NREP: variants seen among roughly 807,000 people sequenced by gnomAD.
NREP encodes neuronal regeneration-related protein.
In NREP, 5 loss-of-function variants were observed where a neutral mutation model predicts 8.6. The ratio of observed to expected loss-of-function variants is 0.58; its 90% confidence interval spans 0.30 to 1.22. The LOEUF (loss-of-function observed/expected upper bound fraction) is 1.22. Among genes scored for constraint, NREP ranks in the 50% most tolerant of loss-of-function variants. The probability of loss-of-function intolerance (pLI) is 0.07; values close to 1 mark genes in which losing one functional copy is unlikely to be tolerated. For missense variants in NREP, 86 were observed against 82.5 expected (o/e 1.04, Z -0.17); for synonymous variants, 27 against 28.0 (o/e 0.96, Z 0.11).
At chr5:111,901,477 C>A (rs1218722957) in intron 2 of NREP, among the ~76,000 whole-genome samples, 3 of 152,042 alleles carry the variant, frequency 2.0e-5, no homozygotes, top group Non-Finnish European at 4.4e-5. Flanking sequence ...GTCCTAGACA[C>A]AGCCAGGCAA....
intron 2 of NREP, among the ~76,000 whole-genome samples, chr5:111,844,678 T>TTA (rs34839211): frequency 2.0e-5 from 3 of 146,956 alleles, no homozygotes; most frequent in Admixed American, 6.8e-5. Flanking sequence ...TATATATATA[T>TTA]TATATATATA....
intron 2 of NREP, among the ~76,000 whole-genome samples, chr5:111,902,146 T>C (rs1754661779): frequency 6.6e-6 from 1 of 152,026 alleles, no homozygotes; most frequent in Non-Finnish European, 1.5e-5. Context: ...TTAATCTATA[T>C]ATTTTCAGCC....
chr5:111,767,296 CA>C (rs147980497), intron 2 of NREP, among the ~76,000 whole-genome samples: 15 of 149,906 alleles, frequency 1.0e-4, no homozygotes, highest in African/African-American at 3.4e-4. Context: ...TCCTCCCCGC[CA>C]AAAAAAAAAT....
At chr5:111,788,046 T>C (rs1236721147) in intron 2 of NREP, among the ~76,000 whole-genome samples, 1 of 152,022 alleles carries the variant, frequency 6.6e-6, no homozygotes, top group East Asian at 1.9e-4. Context: ...TAAACCATGA[T>C]TGCCACTACC....
chr5:111,764,947 T>G (rs1470853608), intron 2 of NREP, among the ~76,000 whole-genome samples: 1 of 152,212 alleles, frequency 6.6e-6, no homozygotes, highest in Non-Finnish European at 1.5e-5. Flanking sequence ...TATGAGAACC[T>G]GATTTTATTA....
chr5:111,797,526 T>C (rs1457155963), intron 2 of NREP, among the ~76,000 whole-genome samples: 1 of 152,218 alleles, frequency 6.6e-6, no homozygotes, highest in Non-Finnish European at 1.5e-5. Flanking sequence ...CTTAAATATA[T>C]ACTTTCTTTT....
At chr5:111,936,923 T>C (rs1281159222) in intron 2 of NREP, among the ~76,000 whole-genome samples, 1 of 152,046 alleles carries the variant, frequency 6.6e-6, no homozygotes, top group Non-Finnish European at 1.5e-5. Flanking sequence ...TTCTCACTCA[T>C]GGAAGTGTTT....
chr5:111,804,933 A>G (rs560265559), intron 2 of NREP, among the ~76,000 whole-genome samples: 36 of 152,310 alleles, frequency 2.4e-4, no homozygotes, highest in East Asian at 1.9e-3. Context: ...CCCGGGAGGC[A>G]GAGCTTGCAG....
At chr5:111,877,404 T>C (rs1474210840) in intron 2 of NREP, among the ~76,000 whole-genome samples, 1 of 152,240 alleles carries the variant, frequency 6.6e-6, no homozygotes, top group African/African-American at 2.4e-5. Context: ...CTGTGATTCT[T>C]GAGGTGTTTC....
At chr5:111,901,354 A>G (rs907654818) in intron 2 of NREP, among the ~76,000 whole-genome samples, 2 of 152,156 alleles carry the variant, frequency 1.3e-5, no homozygotes, top group East Asian at 3.9e-4. Context: ...ATATATGACA[A>G]ACTCACAGCT....
chr5:111,808,224 T>C (rs1050058026), intron 2 of NREP, among the ~76,000 whole-genome samples: 3 of 152,250 alleles, frequency 2.0e-5, no homozygotes, highest in African/African-American at 7.2e-5. Context: ...CAGGCCCTTC[T>C]GGTGTTCAGA....
At chr5:111,745,492 C>T (rs566983289) in intron 2 of NREP, among the ~76,000 whole-genome samples, 2 of 152,224 alleles carry the variant, frequency 1.3e-5, no homozygotes, top group African/African-American at 2.4e-5. Context: ...AATAACAAAA[C>T]GCATTTGCTG....
chr5:111,786,103 A>T (rs1252700277), intron 2 of NREP, among the ~76,000 whole-genome samples: 1 of 152,132 alleles, frequency 6.6e-6, no homozygotes, highest in African/African-American at 2.4e-5. Context: ...AAAGACAGGG[A>T]ACTTAGACAG....
chr5:111,868,844 T>C (rs1416928818), intron 2 of NREP, among the ~76,000 whole-genome samples: 1 of 152,150 alleles, frequency 6.6e-6, no homozygotes, highest in African/African-American at 2.4e-5. Flanking sequence ...TTTTTTTTTT[T>C]TTTACCACAA....
chr5:111,767,862 C>T (rs1751123093), intron 2 of NREP, among the ~76,000 whole-genome samples: 1 of 151,934 alleles, frequency 6.6e-6, no homozygotes, highest in Admixed American at 6.6e-5. Context: ...ATGGGGTCTC[C>T]CTGTTTTCTC....
intron 2 of NREP, among the ~76,000 whole-genome samples, chr5:111,889,052 T>C (rs1385433086): frequency 6.6e-6 from 1 of 152,212 alleles, no homozygotes; most frequent in African/African-American, 2.4e-5. Flanking sequence ...TGTAGGAGCA[T>C]GTACACAGAT....
chr5:111,890,041 G>C lies in NREP; in HGVS notation c.135+85233C>G, dbSNP rs142607649. On this transcript the variant is annotated intron_variant, in intron 2 of 3. Transcript: ENST00000395634. ...GGAACTGCCCATTTTCACTTCTTTT[G>C]TGGTTCTTCAGTTGCCTCAGGCCAT... Among the ~76,000 whole-genome samples the C allele has an allele frequency of 9.3e-3, 1,414 of 152,264 alleles. 25 individuals carry two copies. Among genetic ancestry groups the C allele is most frequent in the African/African-American group, 0.032 (1,349 of 41,564 alleles).
chr5:111,906,984 G>C (rs1041420125), intron 2 of NREP, among the ~76,000 whole-genome samples: 6 of 151,762 alleles, frequency 4.0e-5, no homozygotes, highest in African/African-American at 1.2e-4. Context: ...GTCCAGACAG[G>C]GTCTCCAACT....
intron 2 of NREP, among the ~76,000 whole-genome samples, chr5:111,801,296 A>T (rs1752000191): frequency 6.6e-6 from 1 of 152,196 alleles, no homozygotes; most frequent in South Asian, 2.1e-4. Context: ...TTACAATGTG[A>T]TTGAGAATGT....
Sources: allele counts gnomAD v4.1 joint callset (sites outside exome capture counted in the v4.1 genomes callset), GRCh38; gene constraint gnomAD v4.1.1; transcripts MANE v1.5; gene names NCBI Gene and HGNC (gene_info 2026-07-23, HGNC 2026-07-21).